MICAL2: variants seen among roughly 807,000 people sequenced by gnomAD.
MICAL2 encodes [F-actin]-monooxygenase MICAL2.
Under a neutral mutation model 127.3 loss-of-function variants are expected in MICAL2, and 77 were observed. The observed-to-expected ratio is 0.60, with a 90% CI of 0.50 to 0.73. The LOEUF is 0.73. Among genes scored for constraint, MICAL2 ranks in the 30% least tolerant of loss-of-function variants. The probability of loss-of-function intolerance (pLI) is 0.00; values close to 1 mark genes in which losing one functional copy is unlikely to be tolerated. For synonymous variants in MICAL2, 570 were observed against 551.1 expected, an observed-to-expected ratio of 1.03 and a Z score of -0.48; for missense variants, 1,351 against 1,434.4, an observed-to-expected ratio of 0.94 and a Z score of 0.94.
intron 1 of MICAL2, among the ~76,000 whole-genome samples, chr11:12,120,918 C>T (rs1405053010): frequency 6.6e-6 from 1 of 152,214 alleles, no homozygotes; most frequent in East Asian, 1.9e-4. Flanking sequence ...CTGCCATTCC[C>T]CTGGACTGAG....
At chr11:12,199,163 A>T (rs7118041) in intron 3 of MICAL2, among the ~76,000 whole-genome samples, 1 of 152,138 alleles carries the variant, frequency 6.6e-6, no homozygotes, top group Non-Finnish European at 1.5e-5. Flanking sequence ...AGTTAATAAG[A>T]GTGCCTGGAG....
At chr11:12,197,318 A>T (rs1565143013) in intron 3 of MICAL2, among the ~76,000 whole-genome samples, 2 of 152,252 alleles carry the variant, frequency 1.3e-5, no homozygotes, top group Non-Finnish European at 2.9e-5. Flanking sequence ...CTATCTGCCA[A>T]ATGGCTATGA....
At chr11:12,244,357 C>T (rs878953170) in intron 21 of MICAL2, among the ~76,000 whole-genome samples, 2 of 152,200 alleles carry the variant, frequency 1.3e-5, no homozygotes, top group South Asian at 4.1e-4. Flanking sequence ...TCAGGGCCCA[C>T]CGTATGCCAC....
At position 12,144,550 on chromosome 11, in the gene MICAL2, C is replaced by A. The variant is rs573198138; in HGVS notation, c.-78+6090C>A. Among the ~76,000 whole-genome samples the A allele has an allele frequency of 3.3e-5, 5 of 152,302 alleles. No homozygotes were observed. In the South Asian group the frequency reaches 6.2e-4, roughly 19 times the overall value. On this transcript the variant is annotated intron_variant, in intron 2 of 27. Transcript: ENST00000683283. ...TGTGGCCTGGAGAGGCAGCGTTCTT[C>A]CCCGAGACTGTCCCACAGAGGTCTG...
downstream of MICAL2, among the ~76,000 whole-genome samples, chr11:12,287,847 C>G (rs1434285206): frequency 6.6e-6 from 1 of 152,142 alleles, no homozygotes; most frequent in Non-Finnish European, 1.5e-5. Flanking sequence ...AGGCCCTGAG[C>G]GAGGGGCAGA....
intron 22 of MICAL2, chr11:12,252,778 G>C (rs1861727865): frequency 6.6e-6 from 1 of 152,268 alleles, no homozygotes; most frequent in African/African-American, 2.4e-5. Context: ...TATCAGTTTA[G>C]ATGTGACCTC....
intron 30 of MICAL2, among the ~76,000 whole-genome samples, chr11:12,321,378 G>A (rs572219047): frequency 1.3e-5 from 2 of 152,134 alleles, no homozygotes; most frequent in Non-Finnish European, 2.9e-5. Flanking sequence ...CAGGTGGCAC[G>A]GAGACCATGA....
intron 3 of MICAL2, among the ~76,000 whole-genome samples, chr11:12,197,211 T>G (rs1393375019): frequency 6.6e-6 from 1 of 152,198 alleles, no homozygotes; most frequent in Admixed American, 6.5e-5. Flanking sequence ...AGGATTAATA[T>G]AGGATTGGGA....
intron 32 of MICAL2, among the ~76,000 whole-genome samples, chr11:12,343,949 G>T (rs538559775): frequency 6.6e-6 from 1 of 152,148 alleles, no homozygotes; most frequent in Admixed American, 6.5e-5. Flanking sequence ...CAGTGTCTTG[G>T]ATGTAGCATT....
chr11:12,349,963 C>A (rs375488534), intron 33 of MICAL2: 1 of 1,599,312 alleles, frequency 6.3e-7, no homozygotes, highest in Non-Finnish European at 8.6e-7. Context: ...CAGATACCAG[C>A]GAGTCCTAAA....
At chr11:12,265,156 C>G (rs370253106), downstream of MICAL2, among the ~76,000 whole-genome samples, 42 of 152,372 alleles carry the variant, frequency 2.8e-4, no homozygotes, top group East Asian at 5.6e-3. Flanking sequence ...CAGTCCTCCC[C>G]CGTCCTGGAG....
At chr11:12,230,099 G>C (rs114831250) in intron 15 of MICAL2, among the ~76,000 whole-genome samples, 8 of 152,188 alleles carry the variant, frequency 5.3e-5, no homozygotes, top group African/African-American at 1.4e-4. Flanking sequence ...TCTGCATTCT[G>C]TCTACCACTC....
intron 3 of MICAL2, among the ~76,000 whole-genome samples, chr11:12,184,722 T>C (rs1042515404): frequency 7.9e-5 from 12 of 152,078 alleles, no homozygotes; most frequent in African/African-American, 2.9e-4. Flanking sequence ...GAGTTTAATT[T>C]GGTGGCTGGT....
intron 1 of MICAL2, among the ~76,000 whole-genome samples, chr11:12,130,161 G>T (rs549884952): frequency 6.6e-6 from 1 of 152,334 alleles, no homozygotes; most frequent in Non-Finnish European, 1.5e-5. Context: ...GGTCTGGGCT[G>T]GGACTCAGCA....
chr11:12,264,979 A>G (rs1009468996), downstream of MICAL2, among the ~76,000 whole-genome samples: 5 of 152,176 alleles, frequency 3.3e-5, no homozygotes, highest in Non-Finnish European at 5.9e-5. Flanking sequence ...TTGTTTGCTC[A>G]ACTCTGTGAT....
chr11:12,290,130 A>G (rs1863878167), downstream of MICAL2, among the ~76,000 whole-genome samples: 1 of 152,120 alleles, frequency 6.6e-6, no homozygotes, highest in African/African-American at 2.4e-5. Flanking sequence ...CAGTGGCTTG[A>G]ATGGCAGCCC....
intron 29 of MICAL2, among the ~76,000 whole-genome samples, chr11:12,306,526 A>G (rs1036216372): frequency 2.6e-5 from 4 of 152,308 alleles, no homozygotes; most frequent in Admixed American, 1.3e-4. Flanking sequence ...TGTTTTTACA[A>G]TTGTATATAG....
chr11:12,345,556 G>A (rs1473903301), intron 32 of MICAL2, among the ~76,000 whole-genome samples: 1 of 152,150 alleles, frequency 6.6e-6, no homozygotes, highest in Admixed American at 6.5e-5. Flanking sequence ...GTGTCAGCTG[G>A]ATAAAATATT....
At chr11:12,329,830 A>G (rs1321103738) in intron 32 of MICAL2, among the ~76,000 whole-genome samples, 2 of 149,878 alleles carry the variant, frequency 1.3e-5, no homozygotes, top group Non-Finnish European at 1.5e-5. Context: ...ATTGTAAAGC[A>G]TCTTCTGAAA....
Sources: allele counts gnomAD v4.1 joint callset (sites outside exome capture counted in the v4.1 genomes callset), GRCh38; gene constraint gnomAD v4.1.1; transcripts MANE v1.5; gene names NCBI Gene and HGNC (gene_info 2026-07-23, HGNC 2026-07-21).